The following GPR158 variants were observed in gnomAD, a reference collection of about 807,000 sequenced individuals.
GPR158 encodes metabotropic glycine receptor.
In GPR158, 30 loss-of-function variants were observed where a neutral mutation model predicts 78.2. That is an observed-to-expected ratio of 0.38 (90% CI 0.29 to 0.52). The LOEUF (loss-of-function observed/expected upper bound fraction) is 0.52. Among genes scored for constraint, GPR158 ranks in the 20% least tolerant of loss-of-function variants. GPR158 has a pLI of 0.83. For synonymous variants in GPR158, 581 were observed against 591.1 expected, an observed-to-expected ratio of 0.98 and a Z score of 0.25; for missense variants, 1,463 against 1,523.5, an observed-to-expected ratio of 0.96 and a Z score of 0.66.
rs373463299 is a variant in GPR158 at position 25,208,723 on chromosome 10, T to G, written c.903-12329T>G. 2.0e-5 allele frequency among the ~76,000 whole-genome samples: 3 copies of G among 152,180 alleles called. No individual in the cohort carries two copies. The East Asian group carries it at 5.8e-4, about 29-fold the overall frequency. Reference sequence around the variant, plus strand: ...TGGTGGCCTCTACAAACTGTCAAATTAGGTAGGTCCCAAACCTGCTTTCAC... The same window carrying G: ...TGGTGGCCTCTACAAACTGTCAAATGAGGTAGGTCCCAAACCTGCTTTCAC... On this transcript the variant is annotated intron_variant, in intron 1 of 10. Transcript: ENST00000376351.
At chr10:25,597,528 C>A (rs1421301793) in intron 10 of GPR158, among the ~76,000 whole-genome samples, 1 of 152,124 alleles carries the variant, frequency 6.6e-6, no homozygotes, top group East Asian at 1.9e-4. Flanking sequence ...GTGCTTGCTC[C>A]TTGAAGCAAG....
At chr10:25,573,012 G>GTAAGA (rs1815245525) in intron 7 of GPR158, 125 bp downstream of exon 7, 2 of 667,170 alleles carry the variant, frequency 3.0e-6, no homozygotes, top group Non-Finnish European at 5.4e-6. Context: ...TGTGATTCTG[G>GTAAGA]TAAGATAACA....
At chr10:25,235,441 A>T (rs1439320459) in intron 2 of GPR158, among the ~76,000 whole-genome samples, 39 of 145,642 alleles carry the variant, frequency 2.7e-4, no homozygotes, top group Middle Eastern at 6.9e-3. Context: ...TTTTTTTTTT[A>T]ATGGCAAGAG....
intron 4 of GPR158, among the ~76,000 whole-genome samples, chr10:25,416,123 A>G (rs1834656668): frequency 6.6e-6 from 1 of 152,174 alleles, no homozygotes; most frequent in East Asian, 1.9e-4. Flanking sequence ...CCTTACACTT[A>G]GTCTTCACTA....
intron 1 of GPR158, among the ~76,000 whole-genome samples, chr10:25,189,833 CAT>C (rs1491430753): frequency 1.1e-4 from 12 of 105,708 alleles, no homozygotes; most frequent in South Asian, 6.3e-4. Context: ...GAAAGGAAAG[CAT>C]GTGTGTGTGT....
intron 2 of GPR158, among the ~76,000 whole-genome samples, chr10:25,371,972 A>T (rs1052341492): frequency 4.6e-5 from 7 of 151,378 alleles, no homozygotes; most frequent in African/African-American, 1.7e-4. Flanking sequence ...CAAAGGGCTA[A>T]TATCCAGAAT....
At chr10:25,222,860 G>A (rs1853319254) in intron 2 of GPR158, among the ~76,000 whole-genome samples, 1 of 152,142 alleles carries the variant, frequency 6.6e-6, no homozygotes, top group Admixed American at 6.5e-5. Context: ...CTAGAAACAA[G>A]GAGATACTTA....
intron 2 of GPR158, among the ~76,000 whole-genome samples, chr10:25,356,132 G>A (rs1274778761): frequency 6.6e-6 from 1 of 151,964 alleles, no homozygotes; most frequent in Non-Finnish European, 1.5e-5. Flanking sequence ...TACAAATCAG[G>A]GGAAAATTTT....
chr10:25,214,712 G>A (rs1315047645), intron 1 of GPR158, among the ~76,000 whole-genome samples: 5 of 151,888 alleles, frequency 3.3e-5, no homozygotes, highest in African/African-American at 1.2e-4. Flanking sequence ...ATTTAGGGTG[G>A]GTCCTAATCC....
intron 2 of GPR158, among the ~76,000 whole-genome samples, chr10:25,392,245 C>T (rs1407167914): frequency 6.6e-6 from 1 of 152,212 alleles, no homozygotes; most frequent in Non-Finnish European, 1.5e-5. Flanking sequence ...GTGCCCTTGC[C>T]AGTGCCTAGA....
At chr10:25,520,951 C>T (rs1488329653) in intron 5 of GPR158, among the ~76,000 whole-genome samples, 1 of 152,208 alleles carries the variant, frequency 6.6e-6, no homozygotes, top group Non-Finnish European at 1.5e-5. Flanking sequence ...ATGGCGGGCG[C>T]CCCTCCCCCA....
At chr10:25,350,601 A>G (rs1487971206) in intron 2 of GPR158, among the ~76,000 whole-genome samples, 7 of 151,992 alleles carry the variant, frequency 4.6e-5, no homozygotes, top group Admixed American at 4.6e-4. Context: ...GGTAAGCAAG[A>G]TAAGGGTATT....
At chr10:25,489,545 CA>C (rs1274838628) in intron 5 of GPR158, among the ~76,000 whole-genome samples, 2 of 152,122 alleles carry the variant, frequency 1.3e-5, no homozygotes, top group Non-Finnish European at 2.9e-5. Context: ...ACAAAGGTTT[CA>C]CACTAGAATG....
intron 2 of GPR158, among the ~76,000 whole-genome samples, chr10:25,364,435 G>A (rs944959742): frequency 6.6e-6 from 1 of 151,706 alleles, no homozygotes; most frequent in Non-Finnish European, 1.5e-5. Flanking sequence ...TAAACAATCC[G>A]TGAATAATGA....
At chr10:25,210,681 A>C (rs1197193438) in intron 1 of GPR158, among the ~76,000 whole-genome samples, 1 of 152,144 alleles carries the variant, frequency 6.6e-6, no homozygotes, top group East Asian at 1.9e-4. Flanking sequence ...TAAACTGTTT[A>C]TATCCTTTGC....
At chr10:25,355,542 T>C (rs1588820066) in intron 2 of GPR158, among the ~76,000 whole-genome samples, 1 of 152,064 alleles carries the variant, frequency 6.6e-6, no homozygotes, top group Non-Finnish European at 1.5e-5. Context: ...TTTGAGGAGG[T>C]CATGGTTCCC....
At chr10:25,448,083 CTTT>C (rs35421884) in intron 4 of GPR158, among the ~76,000 whole-genome samples, 15 of 118,118 alleles carry the variant, frequency 1.3e-4, no homozygotes, top group Admixed American at 2.7e-4. Context: ...TGTCTGACTT[CTTT>C]TTTTTTTTTT....
chr10:25,333,665 A>AT lies in GPR158; in HGVS notation c.1009-62243dup, dbSNP rs543579717. 3.3e-3 allele frequency among the ~76,000 whole-genome samples: 506 copies of AT among 152,292 alleles called. 3 individuals are homozygous for AT. The highest frequency in any genetic ancestry group is 0.011 in the African/African-American group (467 of 41,576). On this transcript the variant is annotated intron_variant, in intron 2 of 10. Coordinates refer to ENST00000376351, the MANE Select transcript of GPR158 (RefSeq NM_020752.3). ...TTTATTCAAGAGGAAAAGAATCATT[A>AT]TTTCCTAGTTTCTAAATATCCTTCA...
At chr10:25,417,527 G>C (rs1404194027) in intron 4 of GPR158, among the ~76,000 whole-genome samples, 10 of 152,140 alleles carry the variant, frequency 6.6e-5, no homozygotes, top group Admixed American at 6.6e-4. Context: ...TTGAAAAATA[G>C]GAGGGCTGCA....
Sources: gnomAD v4.1 joint callset for allele counts (sites outside exome capture counted in the v4.1 genomes callset) on GRCh38, gnomAD v4.1.1 for gene constraint, MANE v1.5 for transcripts, NCBI Gene and HGNC (gene_info 2026-07-23, HGNC 2026-07-21) for gene names.